FBXL17: variants seen among roughly 807,000 people sequenced by gnomAD.
FBXL17 encodes the protein F-box and leucine rich repeat protein 17.
A neutral mutation model predicts 66.2 loss-of-function variants in FBXL17; 22 were observed. That is an observed-to-expected ratio of 0.33 (90% confidence interval 0.24 to 0.47). The LOEUF (loss-of-function observed/expected upper bound fraction) is 0.47, where lower values mean the gene tolerates loss of function less well. Among genes scored for constraint, FBXL17 ranks in the 20% least tolerant of loss-of-function variants. FBXL17 has a pLI of 1.00. For synonymous variants in FBXL17, 474 were observed against 400.5 expected, an observed-to-expected ratio of 1.18 and a Z score of -2.19; for missense variants, 878 against 948.2, an observed-to-expected ratio of 0.93 and a Z score of 0.97.
At chr5:108,194,913 C>T (rs1237813768) in intron 5 of FBXL17, among the ~76,000 whole-genome samples, 1 of 152,166 alleles carries the variant, frequency 6.6e-6, no homozygotes, top group Non-Finnish European at 1.5e-5. Flanking sequence ...GACTGGTAAC[C>T]ACTGCTCTGG....
In FBXL17 at chr5:108,381,687, C is replaced by T. The variant is rs1749961257; in HGVS notation, c.5G>A (p.Gly2Asp). The part of the protein sequence containing the change: M[G>D]HLLSKEPRNR... Reference sequence around the variant, plus strand: ...ACGCGGCTCCTTCGAGAGAAGGTGGCCCATATAGAAGGCCCCGAGGAGGGG... The same window carrying T: ...ACGCGGCTCCTTCGAGAGAAGGTGGTCCATATAGAAGGCCCCGAGGAGGGG... Residue 2 changes from glycine to aspartate, a missense_variant, in exon 1 of 9, where the codon GGC becomes GAC. Transcript: ENST00000542267. 2 of 1,469,634 alleles carry T rather than the reference C, an allele frequency of 1.4e-6. No homozygotes were observed. Among genetic ancestry groups the T allele is most frequent in the Non-Finnish European group, 9.0e-7 (1 of 1,115,480 alleles). The allele number at this position is 1,469,634 out of a possible 1,614,324, so 91.0% of individuals were successfully genotyped here. A position where few individuals can be genotyped will look rare whatever the true frequency, so the allele number is the denominator to read the frequency against.
intron 4 of FBXL17, among the ~76,000 whole-genome samples, chr5:108,242,209 C>A (rs1033824992): frequency 6.6e-6 from 1 of 152,076 alleles, no homozygotes; most frequent in Non-Finnish European, 1.5e-5. Flanking sequence ...ATAATAACTA[C>A]AACAACTTTT....
chr5:108,016,510 C>T (rs288174), intron 7 of FBXL17, among the ~76,000 whole-genome samples: 98,156 of 152,090 alleles, frequency 0.65, 32,540 homozygotes, highest in East Asian at 0.93. Flanking sequence ...AAGAATGTGA[C>T]AACTCAGAAA....
At chr5:108,036,516 G>A (rs1205343453) in intron 6 of FBXL17, among the ~76,000 whole-genome samples, 1 of 152,032 alleles carries the variant, frequency 6.6e-6, no homozygotes, top group Non-Finnish European at 1.5e-5. Flanking sequence ...CAACCCCTAC[G>A]AATACCATAT....
intron 6 of FBXL17, among the ~76,000 whole-genome samples, chr5:108,025,659 G>C (rs1754771711): frequency 6.6e-6 from 1 of 150,660 alleles, no homozygotes; most frequent in African/African-American, 2.5e-5. Context: ...AGTGGGTAGG[G>C]GCTTAAGTAG....
In FBXL17 at chr5:108,348,420, T is replaced by C; in HGVS notation, c.1485A>G (p.Ile495Met). Residue 495 changes from isoleucine (I) to methionine (M), a missense_variant, in exon 4 of 9, where the codon ATA becomes ATG. This residue lies in a region of FBXL17 where 236 missense variants were observed against 389.1 expected (regional missense o/e 0.61). Transcript: ENST00000542267. ...TTACTAATTTGTTTTCCTGCATGTA[T>C]ATCCTTTGTAATTTCAGACAGCCCT... ...IAKGCLKLQR[I>M]YMQENKLVTD... The C allele has an allele frequency of 1.2e-6, 2 of 1,613,560 alleles. No individual in the cohort carries two copies. Among genetic ancestry groups the C allele is most frequent in the Non-Finnish European group, 8.5e-7 (1 of 1,179,596 alleles).
chr5:107,937,679 T>C (rs980350928), intron 7 of FBXL17, among the ~76,000 whole-genome samples: 8 of 152,156 alleles, frequency 5.3e-5, no homozygotes, highest in Non-Finnish European at 1.2e-4. Context: ...TGTGGCATCT[T>C]GTGTATTTCT....
chr5:108,101,096 C>G (rs1029491155), intron 6 of FBXL17, among the ~76,000 whole-genome samples: 5 of 152,142 alleles, frequency 3.3e-5, no homozygotes, highest in African/African-American at 4.8e-5. Flanking sequence ...TCAGAGAGCT[C>G]CCAAATAAAA....
chr5:108,148,312 C>T (rs1751639109), intron 6 of FBXL17, among the ~76,000 whole-genome samples: 1 of 152,068 alleles, frequency 6.6e-6, no homozygotes, highest in African/African-American at 2.4e-5. Context: ...GCCAGGGAAT[C>T]CTGATATTCC....
rs867293361 is a variant in FBXL17, at chr5:108,051,885, C to T, written c.1746-30884G>A. On this transcript the variant is annotated intron_variant, in intron 6 of 8. Coordinates refer to ENST00000542267, the MANE Select transcript of FBXL17 (RefSeq NM_001163315.3). Reference sequence around the variant, plus strand: ...CAGCACTTTGAGAGGCTGAGGCGGGCGGATCATGAGGTCAGGAGATCTAGA... The same window carrying T: ...CAGCACTTTGAGAGGCTGAGGCGGGTGGATCATGAGGTCAGGAGATCTAGA... Among the ~76,000 whole-genome samples, 10 of 151,886 alleles carry T rather than the reference C, an allele frequency of 6.6e-5. No individual in the cohort carries two copies. The South Asian group carries it at 1.5e-3, about 22-fold the overall frequency.
chr5:107,933,099 T>C (rs573029299), intron 7 of FBXL17, among the ~76,000 whole-genome samples: 54 of 152,230 alleles, frequency 3.5e-4, no homozygotes, highest in African/African-American at 1.3e-3. Flanking sequence ...AGGTTTCTTA[T>C]TTGAGGTATG....
chr5:108,277,406 C>A (rs1757526506), intron 4 of FBXL17, among the ~76,000 whole-genome samples: 1 of 152,094 alleles, frequency 6.6e-6, no homozygotes, highest in Non-Finnish European at 1.5e-5. Flanking sequence ...AACCTCCATG[C>A]ATTCCTTTTC....
At chr5:108,242,544 T>C (rs1755908472) in intron 4 of FBXL17, among the ~76,000 whole-genome samples, 1 of 152,074 alleles carries the variant, frequency 6.6e-6, no homozygotes, top group Non-Finnish European at 1.5e-5. Flanking sequence ...TTTAAATTAG[T>C]CCTATGTAAT....
intron 3 of FBXL17, among the ~76,000 whole-genome samples, chr5:108,351,428 C>T (rs1747649402): frequency 6.6e-6 from 1 of 152,054 alleles, no homozygotes; most frequent in Admixed American, 6.6e-5. Flanking sequence ...AGTCTGATTC[C>T]CGGTCTCTCC....
At chr5:108,356,730 G>A (rs1441063664) in intron 3 of FBXL17, among the ~76,000 whole-genome samples, 2 of 151,968 alleles carry the variant, frequency 1.3e-5, no homozygotes, top group African/African-American at 4.8e-5. Flanking sequence ...ACTCTATACT[G>A]TATCTATAAT....
At chr5:108,141,584 C>G (rs907033143) in intron 6 of FBXL17, among the ~76,000 whole-genome samples, 3 of 152,344 alleles carry the variant, frequency 2.0e-5, no homozygotes, top group Admixed American at 2.0e-4. Flanking sequence ...TTCTACACAT[C>G]TACAGGAGTT....
intron 6 of FBXL17, among the ~76,000 whole-genome samples, chr5:108,131,940 T>C (rs967352804): frequency 6.6e-6 from 1 of 151,982 alleles, no homozygotes; most frequent in African/African-American, 2.4e-5. Context: ...CCATGAGTCC[T>C]TCCAAAATGA....
chr5:108,325,289 G>A (rs969970527), intron 4 of FBXL17, among the ~76,000 whole-genome samples: 1 of 152,022 alleles, frequency 6.6e-6, no homozygotes, highest in Non-Finnish European at 1.5e-5. Flanking sequence ...TTCAGTCAAG[G>A]AAGAAAAGAG....
chr5:108,024,262 A>G (rs1325088808), intron 6 of FBXL17, among the ~76,000 whole-genome samples: 2 of 152,202 alleles, frequency 1.3e-5, no homozygotes, highest in Non-Finnish European at 2.9e-5. Context: ...GGAAAATGGC[A>G]TAGTGGATAA....
Sources: gnomAD v4.1 joint callset for allele counts (sites outside exome capture counted in the v4.1 genomes callset) on GRCh38, gnomAD v4.1.1 for gene constraint, gnomAD v4.1.1 regional missense constraint, MANE v1.5 for transcripts, NCBI Gene and HGNC (gene_info 2026-07-23, HGNC 2026-07-21) for gene names.